The following RABGAP1L variants were observed in gnomAD, a reference collection of about 807,000 sequenced individuals.
RABGAP1L encodes the protein RAB GTPase activating protein 1 like.
Under a neutral mutation model 137.7 loss-of-function variants are expected in RABGAP1L, and 63 were observed. That is an observed-to-expected ratio of 0.46 (90% CI 0.37 to 0.56). RABGAP1L has a LOEUF of 0.56. RABGAP1L is among the 20% of genes least tolerant of loss of function. The probability of loss-of-function intolerance (pLI) is 0.00; values close to 1 mark genes in which losing one functional copy is unlikely to be tolerated. For synonymous variants in RABGAP1L, 431 were observed against 433.7 expected (o/e 0.99, Z 0.08); for missense variants, 1,095 against 1,244.0 (o/e 0.88, Z 1.80).
chr1:174,719,202 G>T (rs1681279315), intron 17 of RABGAP1L, among the ~76,000 whole-genome samples: 1 of 152,090 alleles, frequency 6.6e-6, no homozygotes, highest in Non-Finnish European at 1.5e-5. Flanking sequence ...TTTTAAAATT[G>T]TGCCAGAATT....
intron 14 of RABGAP1L, among the ~76,000 whole-genome samples, chr1:174,639,884 C>T (rs188147863): frequency 1.6e-3 from 244 of 152,214 alleles, no homozygotes; most frequent in Non-Finnish European, 2.8e-3. Context: ...TCCCAGAGCT[C>T]ATGTGGCCAT....
chr1:174,373,728 T>C (rs1413083715), intron 12 of RABGAP1L, among the ~76,000 whole-genome samples: 1 of 152,198 alleles, frequency 6.6e-6, no homozygotes, highest in East Asian at 1.9e-4. Flanking sequence ...GCAATGGAAT[T>C]CCTTCTTCCA....
intron 19 of RABGAP1L, among the ~76,000 whole-genome samples, chr1:174,929,753 A>AAAATAAAT (rs61539169): frequency 0.13 from 18,759 of 140,650 alleles, 1,454 homozygotes; most frequent in African/African-American, 0.21. Flanking sequence ...GTCTCTACAA[A>AAAATAAAT]AAATAAATAA....
chr1:174,469,756 GGAACAAAACAA>G (rs1657697792), intron 13 of RABGAP1L, among the ~76,000 whole-genome samples: 1 of 152,084 alleles, frequency 6.6e-6, no homozygotes, highest in African/African-American at 2.4e-5. Flanking sequence ...CTGTTGGACT[GGAACAAAACAA>G]GAACATCAAA....
intron 1 of RABGAP1L, among the ~76,000 whole-genome samples, chr1:174,217,500 A>G (rs548922809): frequency 6.6e-6 from 1 of 152,312 alleles, no homozygotes; most frequent in South Asian, 2.1e-4. Flanking sequence ...AGGAGCAGCA[A>G]CCTGAGAAGG....
intron 13 of RABGAP1L, among the ~76,000 whole-genome samples, chr1:174,631,268 T>C (rs1478889381): frequency 1.7e-5 from 2 of 120,574 alleles, no homozygotes; most frequent in Non-Finnish European, 3.3e-5. Flanking sequence ...TAGTTTGTTA[T>C]AATTTCTGTT....
intron 1 of RABGAP1L, among the ~76,000 whole-genome samples, chr1:174,199,339 T>C (rs1667938086): frequency 6.6e-6 from 1 of 152,124 alleles, no homozygotes; most frequent in South Asian, 2.1e-4. Context: ...CTGCCCAGGC[T>C]GAAGTGCAGT....
At chr1:174,323,297 A>T (rs1680172279) in intron 11 of RABGAP1L, among the ~76,000 whole-genome samples, 1 of 152,076 alleles carries the variant, frequency 6.6e-6, no homozygotes, top group Non-Finnish European at 1.5e-5. Flanking sequence ...AAAAAAATTT[A>T]AGTAAATCAT....
At chr1:174,539,863 G>A (rs947920283) in intron 13 of RABGAP1L, among the ~76,000 whole-genome samples, 3 of 152,154 alleles carry the variant, frequency 2.0e-5, no homozygotes, top group East Asian at 1.9e-4. Flanking sequence ...TTGAGGAATC[G>A]CCACACTGTC....
At chr1:174,214,956 G>A (rs900048516) in intron 1 of RABGAP1L, among the ~76,000 whole-genome samples, 11 of 152,098 alleles carry the variant, frequency 7.2e-5, no homozygotes, top group African/African-American at 2.2e-4. Context: ...TACCCTAAAA[G>A]CATGGGCAAA....
chr1:174,525,861 A>G (rs1169610073), intron 13 of RABGAP1L, among the ~76,000 whole-genome samples: 1 of 152,156 alleles, frequency 6.6e-6, no homozygotes, highest in Non-Finnish European at 1.5e-5. Flanking sequence ...GAATTTTGTC[A>G]CACTTTTTTC....
chr1:174,907,822 A>G (rs908345175), intron 19 of RABGAP1L, among the ~76,000 whole-genome samples: 4 of 152,218 alleles, frequency 2.6e-5, no homozygotes, highest in Admixed American at 2.6e-4. Flanking sequence ...ACTTATCAAT[A>G]ATAACACTGA....
At chr1:174,424,833 A>G (rs1347068126) in intron 13 of RABGAP1L, among the ~76,000 whole-genome samples, 1 of 152,010 alleles carries the variant, frequency 6.6e-6, no homozygotes, top group Non-Finnish European at 1.5e-5. Context: ...CATGATTAAC[A>G]CTTTATTGGA....
intron 12 of RABGAP1L, among the ~76,000 whole-genome samples, chr1:174,388,507 G>A (rs61828654): frequency 0.09 from 13,613 of 151,600 alleles, 835 homozygotes; most frequent in East Asian, 0.22. Context: ...GAGAGAGAGA[G>A]AAAACATTTG....
rs1001571036 is a variant in RABGAP1L, at chr1:174,782,320, T to G, written c.2212-29512T>G. On this transcript the variant is annotated intron_variant, in intron 18 of 25. Transcript: ENST00000681986. The stretch of plus-strand genomic sequence containing the variant: ...TGGATTCCTAGGTATTTTATTCTCT[T>G]TGAAGCAATTGTGAATGGGAATTCA... Among the ~76,000 whole-genome samples the G allele has an allele frequency of 7.2e-4, 110 of 152,300 alleles. 1 individual carries two copies. Among genetic ancestry groups the G allele is most frequent in the African/African-American group, 2.5e-3 (102 of 41,570 alleles).
At chr1:174,731,733 A>G (rs1682493936) in intron 17 of RABGAP1L, among the ~76,000 whole-genome samples, 1 of 152,234 alleles carries the variant, frequency 6.6e-6, no homozygotes, top group Non-Finnish European at 1.5e-5. Flanking sequence ...CTATAGGCAT[A>G]TTCTGTAAAT....
At chr1:174,933,766 A>C (rs1664259822) in intron 19 of RABGAP1L, among the ~76,000 whole-genome samples, 1 of 152,170 alleles carries the variant, frequency 6.6e-6, no homozygotes, top group Non-Finnish European at 1.5e-5. Context: ...TCTATCCTGC[A>C]TCTAGGTTAT....
At chr1:174,910,939 C>T (rs1361861050) in intron 19 of RABGAP1L, among the ~76,000 whole-genome samples, 1 of 152,194 alleles carries the variant, frequency 6.6e-6, no homozygotes, top group Admixed American at 6.5e-5. Flanking sequence ...GTTCTAATTT[C>T]TCCACTCTTC....
At chr1:174,734,902 T>G (rs1021904558) in intron 17 of RABGAP1L, among the ~76,000 whole-genome samples, 2 of 151,844 alleles carry the variant, frequency 1.3e-5, no homozygotes. Flanking sequence ...TATTTAGTCT[T>G]TTTTTTAAGT....
Sources: gnomAD v4.1 joint callset for allele counts (sites outside exome capture counted in the v4.1 genomes callset) on GRCh38, gnomAD v4.1.1 for gene constraint, MANE v1.5 for transcripts, NCBI Gene and HGNC (gene_info 2026-07-23, HGNC 2026-07-21) for gene names.